The following RAB5B variants were observed in gnomAD, a reference collection of about 807,000 sequenced individuals.
The protein encoded by RAB5B is RAB5B, member RAS oncogene family, also known as ras-related protein Rab-5B.
In RAB5B, 11 loss-of-function variants were observed where a neutral mutation model predicts 28.6. The observed-to-expected ratio is 0.38, with a 90% confidence interval of 0.24 to 0.64. RAB5B has a LOEUF of 0.64. RAB5B is among the 30% of genes least tolerant of loss of function. RAB5B has a pLI of 0.53. For missense variants in RAB5B, 169 were observed against 265.6 expected (o/e 0.64, Z 2.53); for synonymous variants, 93 against 97.9 (o/e 0.95, Z 0.29).
intron 1 of RAB5B, chr12:55,979,608 C>T (rs879502559): frequency 4.6e-5 from 7 of 152,186 alleles, no homozygotes; most frequent in Non-Finnish European, 1.0e-4. Flanking sequence ...TTTCAACTGT[C>T]CTGGCAGGGT....
In RAB5B at chr12:55,977,314, T is replaced by C. The variant is rs139372932; in HGVS notation, c.-93+3175T>C. Among the ~76,000 whole-genome samples the C allele has an allele frequency of 5.1e-4, 78 of 152,242 alleles. 2 individuals are homozygous for C. In the East Asian group the frequency reaches 8.7e-3, roughly 17 times the overall value. ...GTGTGTGTGTTTTAATCCTATCTAA[T>C]TTTTCCAACAGTTTTTTGCATCCTA... is the stretch of plus-strand genomic sequence containing the variant. On this transcript the variant is annotated intron_variant, in intron 1 of 5. Transcript: ENST00000360299.
In RAB5B at chr12:55,996,171, A is replaced by C; in HGVS notation, c.*3959A>C. On this transcript the variant is annotated 3_prime_UTR_variant, in exon 6 of 6. Coordinates refer to ENST00000360299, the MANE Select transcript of RAB5B (RefSeq NM_002868.4). ...CTTATATCTCTTGGTAATACCCCCC[A>C]CCCCCGTTCCCTGATTCCTGGTAAA... The C allele has an allele frequency of 6.8e-6, 1 of 146,790 alleles. No individual in the cohort carries two copies. Among genetic ancestry groups the C allele is most frequent in the African/African-American group, 2.5e-5 (1 of 39,308 alleles). The allele number at this position is 146,790 out of a possible 1,614,324, so 9.1% of individuals were successfully genotyped here. A position where few individuals can be genotyped will look rare whatever the true frequency, so the allele number is the denominator to read the frequency against.
intron 1 of RAB5B, among the ~76,000 whole-genome samples, chr12:55,978,945 G>A (rs904587339): frequency 6.6e-6 from 1 of 151,912 alleles, no homozygotes; most frequent in Non-Finnish European, 1.5e-5. Flanking sequence ...GCTAATTTTT[G>A]TATTTTTAGT....
chr12:55,983,941 T>C (rs1889880734), intron 1 of RAB5B, among the ~76,000 whole-genome samples: 1 of 152,130 alleles, frequency 6.6e-6, no homozygotes, highest in Non-Finnish European at 1.5e-5. Context: ...ATTACAGGCA[T>C]GGGCCGCTCT....
At chr12:55,980,649 T>A in intron 1 of RAB5B, 1 of 1,596,464 alleles carries the variant, frequency 6.3e-7, no homozygotes, top group East Asian at 2.2e-5. Context: ...TGCACCTTCC[T>A]CTTGGCCTCC....
chr12:55,976,813 G>C (rs2136469557), intron 1 of RAB5B, among the ~76,000 whole-genome samples: 1 of 152,178 alleles, frequency 6.6e-6, no homozygotes, highest in South Asian at 2.1e-4. Context: ...AGTACAGCTG[G>C]GGCATTTCAT....
intron 1 of RAB5B, 55 bp from the exon 2 acceptor site, chr12:55,986,814 C>T: frequency 8.9e-6 from 6 of 672,340 alleles, no homozygotes; most frequent in Non-Finnish European, 1.6e-5. Flanking sequence ...CTCTGAAAAG[C>T]GATTGCAGCT....
intron 1 of RAB5B, among the ~76,000 whole-genome samples, chr12:55,975,151 T>C (rs1178736799): frequency 1.3e-5 from 2 of 152,200 alleles, no homozygotes; most frequent in Non-Finnish European, 2.9e-5. Context: ...ATTTCATATC[T>C]ATTTCATTAT....
At position 55,996,026 on chromosome 12, in the gene RAB5B, G is replaced by C. The variant is rs1017601355; in HGVS notation, c.*3814G>C. On this transcript the variant is annotated 3_prime_UTR_variant, in exon 6 of 6. Coordinates refer to ENST00000360299, the MANE Select transcript of RAB5B (RefSeq NM_002868.4). ...ATATTTTTTTTTTAACAACTGGTAG[G>C]ATAGGTTGGGCATTAGCCTTCTTCA... 2.7e-5 allele frequency: 3 copies of C among 113,016 alleles called. No individual in the cohort carries two copies. Among genetic ancestry groups the C allele is most frequent in the African/African-American group, 1.1e-4 (3 of 27,420 alleles). 7.0% of individuals were successfully genotyped at this position (113,016 alleles called of 1,614,324 possible). A position where few individuals can be genotyped will look rare whatever the true frequency, so the allele number is the denominator to read the frequency against.
chr12:55,977,457 T>A (rs1476622250), intron 1 of RAB5B, among the ~76,000 whole-genome samples: 1 of 152,070 alleles, frequency 6.6e-6, no homozygotes, highest in African/African-American at 2.4e-5. Context: ...TCATATCTTT[T>A]AAAATTTTTT....
In RAB5B at chr12:55,992,898, C is replaced by T. The variant is rs984470488; in HGVS notation, c.*686C>T. ...GGAGGTGCCTTGTAAGCTAACTGGG[C>T]GGAGGTGGAGGTGCAGTGTCAACTG... On this transcript the variant is annotated 3_prime_UTR_variant, in exon 6 of 6. Transcript: ENST00000360299. 5 of 243,800 alleles carry T rather than the reference C, an allele frequency of 2.1e-5. No homozygotes were observed. Among genetic ancestry groups the T allele is most frequent in the African/African-American group, 7.2e-5 (3 of 41,858 alleles). The allele number at this position is 243,800 out of a possible 1,614,324, so 15.1% of individuals were successfully genotyped here. A position where few individuals can be genotyped will look rare whatever the true frequency, so the allele number is the denominator to read the frequency against.
chr12:55,992,729 G>A lies in RAB5B; in HGVS notation c.*517G>A, dbSNP rs1368887739. ...GGGAGAATAAAGCTCAGAGCAGGAG[G>A]GAGTAAGGAAACATTTCCTTTTTGT... On this transcript the variant is annotated 3_prime_UTR_variant, in exon 6 of 6. Transcript: ENST00000360299. 1.6e-5 allele frequency: 5 copies of A among 313,984 alleles called. No individual in the cohort carries two copies. The highest frequency in any genetic ancestry group is 3.0e-5 in the Non-Finnish European group (5 of 165,700). The allele number at this position is 313,984 out of a possible 1,614,324, so 19.4% of individuals were successfully genotyped here. A position where few individuals can be genotyped will look rare whatever the true frequency, so the allele number is the denominator to read the frequency against.
chr12:55,980,831 T>A (rs1343559460), intron 1 of RAB5B: 11 of 1,597,712 alleles, frequency 6.9e-6, no homozygotes, highest in African/African-American at 1.3e-5. Context: ...CTTGAACCGC[T>A]CTTGGCCAGC....
intron 1 of RAB5B, among the ~76,000 whole-genome samples, chr12:55,983,449 C>T (rs1003269924): frequency 4.6e-5 from 7 of 152,118 alleles, no homozygotes; most frequent in Admixed American, 1.3e-4. Flanking sequence ...TTGATCCTTT[C>T]GTCATAGGCC....
At chr12:55,978,955 T>C (rs934844932) in intron 1 of RAB5B, among the ~76,000 whole-genome samples, 5 of 152,040 alleles carry the variant, frequency 3.3e-5, no homozygotes, top group Admixed American at 2.6e-4. Context: ...GTATTTTTAG[T>C]AGAGACGGGG....
chr12:55,976,546 T>G (rs776804574), intron 1 of RAB5B, among the ~76,000 whole-genome samples: 70 of 152,346 alleles, frequency 4.6e-4, no homozygotes, highest in African/African-American at 1.7e-3. Context: ...CAGACCCTTA[T>G]CTCAAATTCA....
rs1011929841 is a variant in RAB5B at position 55,977,275 on chromosome 12, G to A, written c.-93+3136G>A. The stretch of plus-strand genomic sequence containing the variant: ...CAGGAGTGAGCCACCGCGCCTGGCC[G>A]TGTGTGCGTGTGTGTGTGTGTGTTT... On this transcript the variant is annotated intron_variant, in intron 1 of 5. Transcript: ENST00000360299. Among the ~76,000 whole-genome samples the A allele has an allele frequency of 3.0e-4, 38 of 125,836 alleles. 1 individual carries two copies. The highest frequency in any genetic ancestry group is 3.1e-5 in the African/African-American group (1 of 32,350). The allele number at this position is 125,836 out of a possible 152,430, so 82.6% of individuals were successfully genotyped here.
intron 2 of RAB5B, among the ~76,000 whole-genome samples, chr12:55,989,355 A>G (rs1446540532): frequency 1.3e-5 from 2 of 151,762 alleles, no homozygotes; most frequent in African/African-American, 4.8e-5. Flanking sequence ...GCTCACTGCA[A>G]CCTCCACCTC....
chr12:55,991,662 C>G, intron 5 of RAB5B: 1 of 515,146 alleles, frequency 1.9e-6, no homozygotes, highest in Non-Finnish European at 3.5e-6. Context: ...GGTGTGGTGG[C>G]TAACACCTGT....
Sources: allele counts gnomAD v4.1 joint callset (sites outside exome capture counted in the v4.1 genomes callset), GRCh38; gene constraint gnomAD v4.1.1; transcripts MANE v1.5; gene names NCBI Gene and HGNC (gene_info 2026-07-23, HGNC 2026-07-21).